Variants in DCAF8 observed in about 807,000 individuals in gnomAD.
The protein encoded by DCAF8 is DDB1- and CUL4-associated factor 8.
DCAF8 carries 20 observed loss-of-function variants against 68.0 expected under a neutral mutation model. That is an observed-to-expected ratio of 0.29 (90% CI 0.21 to 0.43). DCAF8 has a LOEUF of 0.43. DCAF8 is among the 20% of genes least tolerant of loss of function. DCAF8 has a pLI of 1.00. For synonymous variants in DCAF8, 230 were observed against 276.9 expected, an observed-to-expected ratio of 0.83 and a Z score of 1.68; for missense variants, 460 against 771.0, an observed-to-expected ratio of 0.60 and a Z score of 4.78.
intron 11 of DCAF8, 30 bp from the exon 12 acceptor site, chr1:160,218,998 C>T (rs772511611): frequency 1.2e-6 from 2 of 1,613,556 alleles, no homozygotes; most frequent in East Asian, 2.2e-5. Flanking sequence ...AACACAGACT[C>T]AGCAGTGTGT....
At chr1:160,226,965 A>C (rs1655498247) in intron 7 of DCAF8, among the ~76,000 whole-genome samples, 1 of 152,258 alleles carries the variant, frequency 6.6e-6, no homozygotes, top group Non-Finnish European at 1.5e-5. Flanking sequence ...TAATGGAATT[A>C]GATCTCCAAG....
At chr1:160,218,138 T>C (rs1655184988) in intron 13 of DCAF8, 186 bp downstream of exon 13, 4 of 654,338 alleles carry the variant, frequency 6.1e-6, no homozygotes, top group South Asian at 1.8e-5. Flanking sequence ...TGGACAAAAG[T>C]AGATACCACC....
Position 160,239,432 on chromosome 1 carries a change from A to G in DCAF8, c.723+265T>C, listed in dbSNP as rs868282598. 2.8e-5 allele frequency: 40 copies of G among 1,434,226 alleles called. No homozygotes were observed. In the African/African-American group the frequency reaches 3.9e-4, roughly 14 times the overall value. 88.8% of individuals were successfully genotyped at this position (1,434,226 alleles called of 1,614,324 possible). On this transcript the variant is annotated intron_variant, in intron 4 of 13. Coordinates refer to ENST00000368074, the MANE Select transcript of DCAF8 (RefSeq NM_015726.4). Reference sequence around the variant, plus strand: ...CAGTTTGGTTCAAGAGCCTGTGCTTATACTACACTGCCTCCTACCAGCACA... The same window carrying G: ...CAGTTTGGTTCAAGAGCCTGTGCTTGTACTACACTGCCTCCTACCAGCACA...
intron 10 of DCAF8, among the ~76,000 whole-genome samples, chr1:160,224,239 T>C (rs1026166586): frequency 1.3e-5 from 2 of 152,198 alleles, no homozygotes; most frequent in African/African-American, 2.4e-5. Context: ...AGCAACATTA[T>C]TGGAGTGGCA....
intron 7 of DCAF8, among the ~76,000 whole-genome samples, chr1:160,226,618 C>T (rs1655486381): frequency 6.6e-6 from 1 of 152,194 alleles, no homozygotes; most frequent in South Asian, 2.1e-4. Context: ...TCTAATTTCT[C>T]AACCTCTTCC....
At chr1:160,220,906 AAC>A (rs1049291009) in intron 11 of DCAF8, 2 of 152,236 alleles carry the variant, frequency 1.3e-5, no homozygotes, top group African/African-American at 4.8e-5. Context: ...AGGACCAAAA[AAC>A]AGAGCAGAGG....
chr1:160,243,868 C>A, intron 3 of DCAF8, 92 bp downstream of exon 3: 1 of 1,281,732 alleles, frequency 7.8e-7, no homozygotes, highest in Non-Finnish European at 1.1e-6. Flanking sequence ...TCCCTCTCTC[C>A]ACTAAAATCC....
chr1:160,253,386 G>A (rs562293125), intron 2 of DCAF8, among the ~76,000 whole-genome samples: 6 of 152,014 alleles, frequency 3.9e-5, no homozygotes, highest in South Asian at 4.2e-4. Flanking sequence ...TCTAAGTGAC[G>A]CTGGTAATCC....
chr1:160,243,549 ATC>A (rs1159799872), intron 3 of DCAF8, among the ~76,000 whole-genome samples: 1 of 151,940 alleles, frequency 6.6e-6, no homozygotes, highest in Non-Finnish European at 1.5e-5. Flanking sequence ...CAGCCATGTA[ATC>A]TCTCTATCAA....
rs757088084 is a variant in DCAF8 at position 160,240,002 on chromosome 1, C to A, written c.418G>T (p.Val140Leu). The change falls in exon 4 of 14, where the codon GTG (valine) becomes TTG (leucine). Residue 140 changes from valine to leucine, a missense_variant. Transcript: ENST00000368074. ...SDDERALEDW[V>L]SSETSALPRP... ...GGTAGAGCTGATGTTTCTGAGGACA[C>A]CCAGTCCTCTAGGGCCCGCTCATCA... 34 of 1,614,128 alleles carry A rather than the reference C, an allele frequency of 2.1e-5. No homozygotes were observed. Among genetic ancestry groups the A allele is most frequent in the Non-Finnish European group, 2.8e-5 (33 of 1,180,050 alleles).
chr1:160,218,402 G>A lies in DCAF8; in HGVS notation c.1599C>T (p.Ser533=). The change falls in exon 13 of 14, where the codon AGC becomes AGT. Residue 533 remains serine, a synonymous_variant. Transcript: ENST00000368074. ...KKNKRERDED[S]LHQTDLFDSH... ...TATCAAACAGGTCAGTTTGGTGCAA[G>A]CTATCTTCATCCCGCTCCCGCTTGT... 1 of 1,614,168 alleles carries A rather than the reference G, an allele frequency of 6.2e-7. No individual in the cohort carries two copies. Among genetic ancestry groups the A allele is most frequent in the Non-Finnish European group, 8.5e-7 (1 of 1,180,022 alleles).
At position 160,240,116 on chromosome 1, in the gene DCAF8, C is replaced by A. The variant is rs751240226; in HGVS notation, c.304G>T (p.Glu102Ter). ...TCCTCCTCTTCTTCCTCCTCTTCCT[C>A]TTCCTCTGAGCGGTCATGGACTCGA... ...ENRVHDRSEE[E>*]EEEEEEEEEE... The change falls in exon 4 of 14, where the codon GAG (glutamate) becomes TAG (stop). Residue 102 changes from glutamate to a stop codon, truncating the protein, a stop_gained. Transcript: ENST00000368074. LOFTEE classifies it high-confidence loss of function. The A allele has an allele frequency of 6.2e-7, 1 of 1,614,136 alleles. No homozygotes were observed. Among genetic ancestry groups the A allele is most frequent in the Non-Finnish European group, 8.5e-7 (1 of 1,179,998 alleles).
chr1:160,217,860 A>G (rs1173775660), intron 13 of DCAF8, 152 bp from the exon 14 acceptor site: 1 of 602,328 alleles, frequency 1.7e-6, no homozygotes, highest in East Asian at 2.8e-5. Flanking sequence ...TGTGGTCTAT[A>G]TGGTCTTTAT....
chr1:160,256,605 T>C lies in DCAF8; in HGVS notation c.-27+4680A>G, dbSNP rs537002328. 5.9e-5 allele frequency among the ~76,000 whole-genome samples: 9 copies of C among 152,010 alleles called. No individual in the cohort carries two copies. In the South Asian group the frequency reaches 1.9e-3, roughly 32 times the overall value. ...AAAAAAAAATGGCACGTGAGGCAAA[T>C]ATGTATGCTTCACTTTAGAACTTGG... On this transcript the variant is annotated intron_variant, in intron 2 of 13. Coordinates refer to ENST00000368074, the MANE Select transcript of DCAF8 (RefSeq NM_015726.4).
At chr1:160,227,098 CATA>C (rs1655502692) in intron 7 of DCAF8, among the ~76,000 whole-genome samples, 1 of 152,164 alleles carries the variant, frequency 6.6e-6, no homozygotes, top group Non-Finnish European at 1.5e-5. Context: ...TGGAGGTTCA[CATA>C]ATATTTGTAC....
intron 3 of DCAF8, among the ~76,000 whole-genome samples, chr1:160,242,726 T>G (rs1359055803): frequency 1.3e-5 from 2 of 152,180 alleles, no homozygotes; most frequent in Admixed American, 1.3e-4. Context: ...AACTCCAGTA[T>G]GTAGAACAAA....
In DCAF8 at chr1:160,239,861, G is replaced by T. The variant is rs373676811; in HGVS notation, c.559C>A (p.His187Asn). Residue 187 changes from histidine to asparagine, a missense_variant, in exon 4 of 14, where the codon CAT becomes AAT. Around this residue, in one of 8 missense-constraint regions of DCAF8, gnomAD observed 170 missense variants for 318.2 expected, o/e 0.53. Coordinates refer to ENST00000368074, the MANE Select transcript of DCAF8 (RefSeq NM_015726.4). ...RVFVQRFRLQ[H>N]GLEGHTGCVN... Reference sequence around the variant, plus strand: ...CAACCAGTATGGCCCTCAAGCCCATGCTGCAGGCGGAAACGCTGCACAAAG... The same window carrying T: ...CAACCAGTATGGCCCTCAAGCCCATTCTGCAGGCGGAAACGCTGCACAAAG... The T allele has an allele frequency of 1.9e-6, 3 of 1,614,142 alleles. No individual in the cohort carries two copies. The African/African-American group carries it at 4.0e-5, about 22-fold the overall frequency.
At chr1:160,235,276 G>C (rs1655829940) in intron 6 of DCAF8, among the ~76,000 whole-genome samples, 1 of 151,762 alleles carries the variant, frequency 6.6e-6, no homozygotes, top group African/African-American at 2.4e-5. Context: ...TGGGATTATA[G>C]GCATGTGCCA....
chr1:160,225,752 G>T, intron 7 of DCAF8, 89 bp from the exon 8 acceptor site: 1 of 990,894 alleles, frequency 1.0e-6, no homozygotes, highest in Non-Finnish European at 1.5e-6. Flanking sequence ...GAAACTGCCA[G>T]CTGGATGCAG....
Sources: gnomAD v4.1 joint callset for allele counts (sites outside exome capture counted in the v4.1 genomes callset) on GRCh38, gnomAD v4.1.1 for gene constraint, gnomAD v4.1.1 regional missense constraint, MANE v1.5 for transcripts, NCBI Gene and HGNC (gene_info 2026-07-23, HGNC 2026-07-21) for gene names.